The following PDE10A variants were observed in gnomAD, a reference collection of about 807,000 sequenced individuals.
PDE10A encodes the protein cAMP and cAMP-inhibited cGMP 3',5'-cyclic phosphodiesterase 10A.
A neutral mutation model predicts 97.7 loss-of-function variants in PDE10A; 39 were observed. That is an observed-to-expected ratio of 0.40 (90% confidence interval 0.31 to 0.52). The LOEUF (loss-of-function observed/expected upper bound fraction) is 0.52. Among genes scored for constraint, PDE10A ranks in the 20% least tolerant of loss-of-function variants. The pLI is 0.56. For missense variants in PDE10A, 731 were observed against 1,047.8 expected, an observed-to-expected ratio of 0.70 and a Z score of 4.17; for synonymous variants, 371 against 376.8, an observed-to-expected ratio of 0.98 and a Z score of 0.18.
intron 4 of PDE10A, among the ~76,000 whole-genome samples, chr6:165,449,883 C>T (rs1791158597): frequency 6.6e-6 from 1 of 152,058 alleles, no homozygotes; most frequent in Admixed American, 6.5e-5. Context: ...ATAAAATTGT[C>T]ATTTACCCAA....
intron 18 of PDE10A, among the ~76,000 whole-genome samples, chr6:165,354,648 T>C (rs1782908695): frequency 1.3e-5 from 2 of 152,206 alleles, no homozygotes; most frequent in Non-Finnish European, 2.9e-5. Context: ...AAGATATAGA[T>C]GGTGCCACCT....
intron 5 of PDE10A, among the ~76,000 whole-genome samples, chr6:165,436,123 A>G (rs1173770836): frequency 6.6e-6 from 1 of 152,220 alleles, no homozygotes; most frequent in Admixed American, 6.5e-5. Flanking sequence ...ATTGGGGGCA[A>G]TATTTTGACA....
intron 1 of PDE10A, among the ~76,000 whole-genome samples, chr6:165,636,318 A>C (rs75465431): frequency 0.025 from 3,827 of 151,892 alleles, 60 homozygotes; most frequent in African/African-American, 0.049. Context: ...CACACACACA[A>C]ACACTCTTCA....
At chr6:165,923,263 T>A (rs1215010849) in intron 1 of PDE10A, among the ~76,000 whole-genome samples, 1 of 152,234 alleles carries the variant, frequency 6.6e-6, no homozygotes, top group Non-Finnish European at 1.5e-5. Flanking sequence ...TGACCAATGT[T>A]AAGCATAATT....
At chr6:165,796,091 C>CTT (rs1168771487) in intron 1 of PDE10A, among the ~76,000 whole-genome samples, 2,719 of 108,800 alleles carry the variant, frequency 0.025, 129 homozygotes, top group Non-Finnish European at 0.032. Context: ...TTTTTCTTTT[C>CTT]TTTTTTTTTT....
chr6:165,377,034 T>C (rs776367110), intron 18 of PDE10A, among the ~76,000 whole-genome samples: 1 of 152,198 alleles, frequency 6.6e-6, no homozygotes, highest in Non-Finnish European at 1.5e-5. Flanking sequence ...GTAAAAAGAT[T>C]ATGATTTGCT....
chr6:165,413,855 A>G (rs1019344956), intron 12 of PDE10A, among the ~76,000 whole-genome samples, 168 bp from the exon 13 acceptor site: 2 of 152,242 alleles, frequency 1.3e-5, no homozygotes, highest in African/African-American at 4.8e-5. Context: ...AACATTCCAC[A>G]GAGTTTTATT....
intron 1 of PDE10A, among the ~76,000 whole-genome samples, chr6:165,769,620 T>C (rs75165525): frequency 0.029 from 4,448 of 152,320 alleles, 82 homozygotes; most frequent in Non-Finnish European, 0.041. Flanking sequence ...CTAATAGTTT[T>C]TTTCTACCCT....
intron 1 of PDE10A, among the ~76,000 whole-genome samples, chr6:165,803,505 T>A (rs998155403): frequency 6.6e-6 from 1 of 152,180 alleles, no homozygotes; most frequent in African/African-American, 2.4e-5. Flanking sequence ...ATGCAAACCA[T>A]GTTCATGTCT....
intron 1 of PDE10A, among the ~76,000 whole-genome samples, chr6:165,951,003 G>T (rs1409843010): frequency 6.6e-6 from 1 of 152,194 alleles, no homozygotes; most frequent in Non-Finnish European, 1.5e-5. Context: ...ATAAAAATGT[G>T]GGTTATCTTG....
chr6:165,508,170 G>GA (rs776410186), intron 2 of PDE10A, among the ~76,000 whole-genome samples: 16 of 152,052 alleles, frequency 1.1e-4, no homozygotes, highest in Admixed American at 5.2e-4. Flanking sequence ...TGACACAACT[G>GA]AAAAAACACA....
intron 1 of PDE10A, among the ~76,000 whole-genome samples, chr6:165,569,398 AGTGTT>A (rs1784941607): frequency 6.6e-6 from 1 of 152,202 alleles, no homozygotes; most frequent in Admixed American, 6.5e-5. Context: ...CTTTTGCACG[AGTGTT>A]GTAAGACTGT....
chr6:165,653,154 T>C (rs187406874), intron 1 of PDE10A, among the ~76,000 whole-genome samples: 199 of 152,342 alleles, frequency 1.3e-3, no homozygotes, highest in African/African-American at 4.6e-3. Context: ...TTTAGGAAAA[T>C]TAATATTTTA....
chr6:165,975,396 AGAGTTC>A (rs1784819204), intron 1 of PDE10A, among the ~76,000 whole-genome samples: 1 of 152,188 alleles, frequency 6.6e-6, no homozygotes, highest in Non-Finnish European at 1.5e-5. Flanking sequence ...GTTGGGCTCA[AGAGTTC>A]GAGACCAGCC....
intron 18 of PDE10A, among the ~76,000 whole-genome samples, chr6:165,351,740 T>C (rs1266785034): frequency 1.3e-5 from 2 of 152,252 alleles, no homozygotes; most frequent in Non-Finnish European, 2.9e-5. Flanking sequence ...CCAGCACTGC[T>C]ATGAATTATT....
chr6:165,596,067 G>C (rs1462282984), intron 1 of PDE10A, among the ~76,000 whole-genome samples: 1 of 152,100 alleles, frequency 6.6e-6, no homozygotes, highest in Non-Finnish European at 1.5e-5. Context: ...CATCACAAAG[G>C]AGAAACGATA....
At chr6:165,864,188 A>AT (rs1419977990) in intron 1 of PDE10A, among the ~76,000 whole-genome samples, 1 of 149,960 alleles carries the variant, frequency 6.7e-6, no homozygotes, top group Non-Finnish European at 1.5e-5. Context: ...GAAAAAAAAA[A>AT]TCTAATATTG....
rs371692286 is a variant in PDE10A, at chr6:165,568,091, T to C, written c.866-24523A>G. ...TTGGCTCACTGCAAGCTCCGCCTCC[T>C]GGGTTCACGCCATTCTCCTGCCTCA... On this transcript the variant is annotated intron_variant, in intron 1 of 21. Transcript: ENST00000539869. 3.1e-4 allele frequency among the ~76,000 whole-genome samples: 45 copies of C among 142,932 alleles called. 1 individual carries two copies. The highest frequency in any genetic ancestry group is 9.0e-4 in the African/African-American group (35 of 38,922). 93.8% of individuals were successfully genotyped at this position (142,932 alleles called of 152,430 possible).
chr6:165,788,172 T>G (rs1018012731), intron 1 of PDE10A, among the ~76,000 whole-genome samples: 4 of 152,112 alleles, frequency 2.6e-5, no homozygotes, highest in Non-Finnish European at 1.5e-5. Flanking sequence ...ACATATATTA[T>G]GTGTAGAATA....
Sources: allele counts gnomAD v4.1 joint callset (sites outside exome capture counted in the v4.1 genomes callset), GRCh38; gene constraint gnomAD v4.1.1; transcripts MANE v1.5; gene names NCBI Gene and HGNC (gene_info 2026-07-23, HGNC 2026-07-21).